Variants in GSE1 observed in about 807,000 individuals in gnomAD.
GSE1 encodes genetic suppressor element 1.
GSE1 carries 32 observed loss-of-function variants against 112.6 expected under a neutral mutation model. The ratio of observed to expected loss-of-function variants is 0.28; its 90% CI spans 0.21 to 0.38. The LOEUF is 0.38. GSE1 is among the 10% of genes least tolerant of loss of function. GSE1 has a pLI of 1.00. For missense variants in GSE1, 2,348 were observed against 1,699.2 expected, an observed-to-expected ratio of 1.38 and a Z score of -6.71; for synonymous variants, 1,115 against 735.6, an observed-to-expected ratio of 1.52 and a Z score of -8.35.
At chr16:85,480,126 G>A (rs569284431) in intron 2 of GSE1, among the ~76,000 whole-genome samples, 57 of 152,360 alleles carry the variant, frequency 3.7e-4, no homozygotes, top group Admixed American at 3.7e-3. Flanking sequence ...TTTACTAGAT[G>A]ATGAAACTGA....
intron 2 of GSE1, among the ~76,000 whole-genome samples, chr16:85,456,466 G>T (rs1048902548): frequency 2.6e-5 from 4 of 152,044 alleles, no homozygotes; most frequent in Non-Finnish European, 4.4e-5. Flanking sequence ...TCAGCAGCAC[G>T]CAGCCCACCA....
intron 2 of GSE1, among the ~76,000 whole-genome samples, chr16:85,642,321 T>C (rs904369447): frequency 6.6e-6 from 1 of 152,218 alleles, no homozygotes; most frequent in Non-Finnish European, 1.5e-5. Flanking sequence ...TAAAAATATT[T>C]TGTAATTAAA....
chr16:85,223,260 C>T (rs4783153), intron 1 of GSE1, among the ~76,000 whole-genome samples: 72,380 of 152,088 alleles, frequency 0.48, 17,573 homozygotes, highest in African/African-American at 0.56. Context: ...CGTTGGCTCA[C>T]GCCTGTAATC....
chr16:85,567,843 C>T (rs2045824345), intron 1 of GSE1, among the ~76,000 whole-genome samples: 1 of 152,202 alleles, frequency 6.6e-6, no homozygotes, highest in Admixed American at 6.5e-5. Context: ...CTGCCTCAGC[C>T]TCCCAAGTAG....
chr16:85,188,227 G>C (rs536272089), intron 1 of GSE1, among the ~76,000 whole-genome samples: 1 of 152,118 alleles, frequency 6.6e-6, no homozygotes, highest in South Asian at 2.1e-4. Flanking sequence ...TCACGGGGCT[G>C]CTGGGCACTG....
intron 1 of GSE1, among the ~76,000 whole-genome samples, chr16:85,348,885 C>T (rs899557644): frequency 2.6e-5 from 4 of 152,020 alleles, no homozygotes; most frequent in East Asian, 1.9e-4. Context: ...CTCCAGCCCC[C>T]GAGAGATGGG....
At chr16:85,508,038 A>ATT (rs896257598) in intron 2 of GSE1, among the ~76,000 whole-genome samples, 1 of 151,630 alleles carries the variant, frequency 6.6e-6, no homozygotes, top group Admixed American at 6.6e-5. Flanking sequence ...TCCGTCACTT[A>ATT]TTTTTTTGTC....
intron 2 of GSE1, among the ~76,000 whole-genome samples, chr16:85,637,277 A>G (rs1347165831): frequency 1.3e-5 from 2 of 152,062 alleles, no homozygotes; most frequent in African/African-American, 2.4e-5. Context: ...GCGTGTCTGG[A>G]CCCTGAGCGT....
At chr16:85,555,795 C>G, upstream of GSE1, 1 of 975,072 alleles carries the variant, frequency 1.0e-6, no homozygotes, top group Non-Finnish European at 1.2e-6. Context: ...CTCGCACGTC[C>G]TGGGGGCTGT....
intron 1 of GSE1, among the ~76,000 whole-genome samples, chr16:85,193,307 G>A (rs757090850): frequency 6.6e-6 from 1 of 152,104 alleles, no homozygotes; most frequent in Non-Finnish European, 1.5e-5. Flanking sequence ...TGCCACATCT[G>A]CATGAGTATT....
chr16:85,268,419 A>C (rs1908484883), intron 1 of GSE1, among the ~76,000 whole-genome samples: 1 of 151,558 alleles, frequency 6.6e-6, no homozygotes, highest in Admixed American at 6.6e-5. Flanking sequence ...CACTCAGGTC[A>C]CTCCCCTTCC....
At chr16:85,169,584 G>C in exon 1 of GSE1, 3 of 981,834 alleles carry the variant, frequency 3.1e-6, no homozygotes, top group Non-Finnish European at 3.6e-6. Flanking sequence ...CCGTGGGCGA[G>C]CGGGCTGCGG....
upstream of GSE1, among the ~76,000 whole-genome samples, chr16:85,554,435 A>G (rs1350582354): frequency 6.6e-6 from 1 of 152,176 alleles, no homozygotes; most frequent in East Asian, 1.9e-4. Flanking sequence ...GCAGAATCCC[A>G]GTAATAGCAT....
At chr16:85,314,493 C>A (rs1187799459) in intron 1 of GSE1, among the ~76,000 whole-genome samples, 1 of 152,034 alleles carries the variant, frequency 6.6e-6, no homozygotes, top group African/African-American at 2.4e-5. Context: ...TGGAGGTGGC[C>A]AGGCTGGTCA....
Position 85,269,864 on chromosome 16 carries a change from T to C in GSE1, c.2284-87599T>C, listed in dbSNP as rs1009630419. 6.7e-5 allele frequency among the ~76,000 whole-genome samples: 10 copies of C among 149,536 alleles called. No homozygotes were observed. The East Asian group carries it at 9.7e-4, about 14-fold the overall frequency. The stretch of plus-strand genomic sequence containing the variant: ...ATGCCTGTGCCCTACACACACGCCA[T>C]GTTGATGACCAAGCAGCACCCGAGG... On this transcript the variant is annotated intron_variant, in intron 1 of 2. Coordinates refer to the GSE1 transcript ENST00000637419.
chr16:85,529,704 G>T (rs141154205), intron 2 of GSE1, among the ~76,000 whole-genome samples: 1,605 of 152,332 alleles, frequency 0.011, 11 homozygotes, highest in Middle Eastern at 0.031. Context: ...AGGCCTGTTT[G>T]GGGGTAGGCT....
At chr16:85,415,052 C>A (rs991406735) in intron 2 of GSE1, among the ~76,000 whole-genome samples, 3 of 152,210 alleles carry the variant, frequency 2.0e-5, no homozygotes, top group African/African-American at 7.2e-5. Context: ...TCAAGCTATC[C>A]TCTTGCCTCA....
chr16:85,516,686 G>T (rs1462965637), intron 2 of GSE1, among the ~76,000 whole-genome samples: 1 of 151,736 alleles, frequency 6.6e-6, no homozygotes, highest in Non-Finnish European at 1.5e-5. Flanking sequence ...TCTTTCTAAG[G>T]CCCCCCTGCC....
intron 1 of GSE1, among the ~76,000 whole-genome samples, chr16:85,200,402 A>G (rs549428832): frequency 6.9e-6 from 1 of 145,624 alleles, no homozygotes; most frequent in East Asian, 2.0e-4. Flanking sequence ...GGCTGCAAGT[A>G]TCCTCCATCT....
Sources: gnomAD v4.1 joint callset for allele counts (sites outside exome capture counted in the v4.1 genomes callset) on GRCh38, gnomAD v4.1.1 for gene constraint, MANE v1.5 for transcripts, NCBI Gene and HGNC (gene_info 2026-07-23, HGNC 2026-07-21) for gene names.